Variants in SERPINB4 observed in about 807,000 individuals in gnomAD.
SERPINB4 encodes serpin family B member 4, also known as serpin B4.
In SERPINB4, 39 loss-of-function variants were observed where a neutral mutation model predicts 33.2. That is an observed-to-expected ratio of 1.18 (90% CI 0.91 to 1.53). The LOEUF is 1.53. SERPINB4 is among the 40% of genes most tolerant of loss of function. The pLI is 0.00. For missense variants in SERPINB4, 564 were observed against 455.4 expected, an observed-to-expected ratio of 1.24 and a Z score of -2.17; for synonymous variants, 191 against 166.4, an observed-to-expected ratio of 1.15 and a Z score of -1.14.
intron 3 of SERPINB4, 141 bp from the exon 4 acceptor site, chr18:63,642,029 T>C (rs1451222399): frequency 5.4e-6 from 7 of 1,299,546 alleles, no homozygotes; most frequent in Non-Finnish European, 7.5e-6. Flanking sequence ...ATTGGTGTAT[T>C]TCACCTCAAA....
chr18:63,638,654 T>A (rs1176022486), intron 7 of SERPINB4, among the ~76,000 whole-genome samples: 1 of 151,928 alleles, frequency 6.6e-6, no homozygotes, highest in African/African-American at 2.4e-5. Context: ...CAAGTTTAAA[T>A]TGCTGCATAA....
Position 63,637,609 on chromosome 18 carries a change from A to G in SERPINB4, c.*110T>C. 2 of 1,119,650 alleles carry G rather than the reference A, an allele frequency of 1.8e-6. No homozygotes were observed. Among genetic ancestry groups the G allele is most frequent in the East Asian group, 2.4e-5 (1 of 41,686 alleles). 69.4% of individuals were successfully genotyped at this position (1,119,650 alleles called of 1,614,324 possible). On this transcript the variant is annotated 3_prime_UTR_variant, in exon 8 of 8. Transcript: ENST00000341074. ...CTTGATGATGACTATCATCATCAAG[A>G]TGAGATAGAAAAGAAATATGAGCCA...
chr18:63,641,388 A>G (rs1598927882), intron 4 of SERPINB4, among the ~76,000 whole-genome samples: 1 of 152,064 alleles, frequency 6.6e-6, no homozygotes, highest in Non-Finnish European at 1.5e-5. Context: ...AACTATTCTC[A>G]GGAACTCACC....
rs375875416 is a variant in SERPINB4, at chr18:63,643,473, T to G, written c.105A>C (p.Thr35=). Residue 35 remains threonine (T), a synonymous_variant, in exon 2 of 8, where the codon ACA becomes ACC. Transcript: ENST00000341074. ...NNIFYSPISI[T]SALGMVLLGA... is the part of the protein sequence containing the mutation. ...CTAAGAGGACCATCCCTAATGCTGA[T>G]GTGATGCTGATAGGGGAATAGAAGA... The G allele has an allele frequency of 6.2e-7, 1 of 1,613,738 alleles. No individual in the cohort carries two copies. The highest frequency in any genetic ancestry group is 8.5e-7 in the Non-Finnish European group (1 of 1,179,744).
intron 7 of SERPINB4, 71 bp downstream of exon 7, chr18:63,639,114 C>T (rs1427051355): frequency 4.1e-5 from 60 of 1,467,800 alleles, no homozygotes; most frequent in Non-Finnish European, 4.7e-5. Flanking sequence ...AAGCTTTTAC[C>T]TTGTTTAAAC....
chr18:63,637,661 G>C lies in SERPINB4; in HGVS notation c.*58C>G, dbSNP rs1753743751. The C allele has an allele frequency of 1.2e-5, 18 of 1,506,508 alleles. No individual in the cohort carries two copies. The highest frequency in any genetic ancestry group is 1.6e-5 in the Non-Finnish European group (18 of 1,122,564). 93.3% of individuals were successfully genotyped at this position (1,506,508 alleles called of 1,614,324 possible). On this transcript the variant is annotated 3_prime_UTR_variant, in exon 8 of 8. Transcript: ENST00000341074. ...GAGAATCTGTTGTTGCCAGCAATCA[G>C]TTTACCAGAACACCTCTAGGTGAAC...
chr18:63,642,885 T>A, intron 3 of SERPINB4: 2 of 446,334 alleles, frequency 4.5e-6, no homozygotes, highest in Non-Finnish European at 8.1e-6. Context: ...TGTCCTGCTC[T>A]TATTCATCAT....
intron 3 of SERPINB4, among the ~76,000 whole-genome samples, chr18:63,642,160 T>C (rs1272212840): frequency 1.3e-5 from 2 of 152,162 alleles, no homozygotes; most frequent in Admixed American, 6.6e-5. Flanking sequence ...GATTTTCTCC[T>C]TGTTGGTTTA....
chr18:63,640,956 G>T lies in SERPINB4; in HGVS notation c.387C>A (p.Thr129=), dbSNP rs778102288. The T allele has an allele frequency of 1.2e-6, 2 of 1,612,780 alleles. No individual in the cohort carries two copies. The highest frequency in any genetic ancestry group is 1.7e-5 in the Admixed American group (1 of 59,834). Residue 129 remains threonine (T), a synonymous_variant, in exon 5 of 8, where the codon ACC becomes ACA. Transcript: ENST00000341074. ...TTGCAAAATCAGTAGATTCCACACT[G>T]GTCTGGTAAAATTTCTTGATGGCAT... The part of the protein sequence containing the change: ...YLDAIKKFYQ[T]SVESTDFANA...
At position 63,639,727 on chromosome 18, in the gene SERPINB4, T is replaced by G; in HGVS notation, c.519A>C (p.Thr173=). 1 of 1,611,526 alleles carries G rather than the reference T, an allele frequency of 6.2e-7. No individual in the cohort carries two copies. Among genetic ancestry groups the G allele is most frequent in the South Asian group, 1.1e-5 (1 of 91,010 alleles). ...AATAGATTGCGTTCACAAGAACCAG[T>G]GTCGTATCATTGCCAATAGTCCCAT... ...FPDGTIGNDT[T]LVLVNAIYFK... The change falls in exon 6 of 8, where the codon ACA becomes ACC. Residue 173 remains threonine, a synonymous_variant. Transcript: ENST00000341074.
At position 63,639,715 on chromosome 18, in the gene SERPINB4, C is replaced by T. The variant is rs751844480; in HGVS notation, c.531G>A (p.Val177=). The T allele has an allele frequency of 2.5e-6, 4 of 1,611,954 alleles. No homozygotes were observed. Among genetic ancestry groups the T allele is most frequent in the Non-Finnish European group, 3.4e-6 (4 of 1,178,496 alleles). The change falls in exon 6 of 8, where the codon GTG becomes GTA. Residue 177 remains valine (V), a synonymous_variant. Coordinates refer to ENST00000341074, the MANE Select transcript of SERPINB4 (RefSeq NM_002974.4). The part of the protein sequence containing the change: ...TIGNDTTLVL[V]NAIYFKGQWE... ...ACTGCCCTTTGAAATAGATTGCGTT[C>T]ACAAGAACCAGTGTCGTATCATTGC...
chr18:63,641,512 TACTC>T (rs1221417706), intron 4 of SERPINB4, among the ~76,000 whole-genome samples: 1 of 152,086 alleles, frequency 6.6e-6, no homozygotes, highest in Non-Finnish European at 1.5e-5. Context: ...TTATTACTCT[TACTC>T]ACTCTATTAC....
intron 6 of SERPINB4, 82 bp downstream of exon 6, chr18:63,639,552 T>A: frequency 9.1e-7 from 1 of 1,098,046 alleles, no homozygotes; most frequent in South Asian, 1.6e-5. Flanking sequence ...TATTTTTTAC[T>A]TATCATGTTA....
chr18:63,640,241 C>T (rs1464412922), intron 5 of SERPINB4, among the ~76,000 whole-genome samples: 1 of 151,998 alleles, frequency 6.6e-6, no homozygotes, highest in Non-Finnish European at 1.5e-5. Flanking sequence ...ATGTCCTGTG[C>T]TGTCAGACAC....
chr18:63,643,119 G>A, intron 3 of SERPINB4, 42 bp downstream of exon 3: 1 of 1,612,022 alleles, frequency 6.2e-7, no homozygotes, highest in African/African-American at 1.3e-5. Context: ...ACTATGACCT[G>A]TTCAGGGATC....
At chr18:63,639,560 T>G (rs2144466446) in intron 6 of SERPINB4, 74 bp downstream of exon 6, 1 of 1,125,004 alleles carries the variant, frequency 8.9e-7, no homozygotes, top group Non-Finnish European at 1.3e-6. Flanking sequence ...ACTTATCATG[T>G]TACATTCCAT....
rs775357563 is a variant in SERPINB4, at chr18:63,638,085, C to G, written c.807G>C (p.Trp269Cys). 3.1e-6 allele frequency: 5 copies of G among 1,613,296 alleles called. No individual in the cohort carries two copies. Among genetic ancestry groups the G allele is most frequent in the Non-Finnish European group, 4.2e-6 (5 of 1,179,606 alleles). ...EKLTAEKLMEWTSLQNMRETC... is the reference protein window; with the variant it reads ...EKLTAEKLMECTSLQNMRETC... ...TCTCTCTCATATTCTGCAAACTTGT[C>G]CATTCCATCAATTTCTCAGCAGTGA... The change falls in exon 8 of 8, where the codon TGG becomes TGC. Residue 269 changes from tryptophan to cysteine, a missense_variant. Transcript: ENST00000341074.
intron 4 of SERPINB4, 72 bp from the exon 5 acceptor site, chr18:63,641,063 T>A: frequency 1.6e-6 from 2 of 1,289,852 alleles, no homozygotes; most frequent in Non-Finnish European, 1.1e-6. Flanking sequence ...ACTTACTTAT[T>A]TGTAACAACA....
chr18:63,643,735 A>G (rs2048771723), intron 1 of SERPINB4, 132 bp from the exon 2 acceptor site: 5 of 988,704 alleles, frequency 5.1e-6, no homozygotes, highest in Non-Finnish European at 7.5e-6. Flanking sequence ...CTTATTTTTA[A>G]CGCTTCAATC....
Sources: gnomAD v4.1 joint callset for allele counts (sites outside exome capture counted in the v4.1 genomes callset) on GRCh38, gnomAD v4.1.1 for gene constraint, MANE v1.5 for transcripts, NCBI Gene and HGNC (gene_info 2026-07-23, HGNC 2026-07-21) for gene names.